SSBP3: variants seen among roughly 807,000 people sequenced by gnomAD.
SSBP3 encodes the protein single-stranded DNA-binding protein 3.
In SSBP3, 5 loss-of-function variants were observed where a neutral mutation model predicts 69.6. That is an observed-to-expected ratio of 0.07 (90% CI 0.04 to 0.15). The LOEUF (loss-of-function observed/expected upper bound fraction) is 0.15. SSBP3 is among the 10% of genes least tolerant of loss of function. The pLI is 1.00. For synonymous variants in SSBP3, 196 were observed against 193.4 expected (o/e 1.01, Z -0.11); for missense variants, 312 against 534.0 (o/e 0.58, Z 4.10).
intron 4 of SSBP3, among the ~76,000 whole-genome samples, chr1:54,326,742 C>G (rs1646312141): frequency 6.6e-6 from 1 of 152,158 alleles, no homozygotes; most frequent in Admixed American, 6.5e-5. Flanking sequence ...GTTTAAAATT[C>G]AAAGCTCTTC....
At chr1:54,385,565 T>A (rs1648021593) in intron 4 of SSBP3, among the ~76,000 whole-genome samples, 1 of 152,166 alleles carries the variant, frequency 6.6e-6, no homozygotes, top group Non-Finnish European at 1.5e-5. Flanking sequence ...GAATTCCAAA[T>A]TCAGAACATA....
intron 4 of SSBP3, among the ~76,000 whole-genome samples, chr1:54,305,073 A>G (rs553829514): frequency 1.3e-5 from 2 of 152,210 alleles, no homozygotes; most frequent in Non-Finnish European, 2.9e-5. Context: ...AGCAGAGACC[A>G]TGTATGCCTG....
intron 5 of SSBP3, among the ~76,000 whole-genome samples, chr1:54,276,735 G>A (rs1271486600): frequency 1.3e-5 from 2 of 151,748 alleles, no homozygotes; most frequent in Non-Finnish European, 2.9e-5. Context: ...CACAGATCTG[G>A]CCAAGACATT....
At chr1:54,287,854 A>G (rs769785417) in intron 4 of SSBP3, among the ~76,000 whole-genome samples, 72 of 152,164 alleles carry the variant, frequency 4.7e-4, no homozygotes, top group Non-Finnish European at 6.6e-4. Flanking sequence ...TCAGTTTTGG[A>G]GAACAGGGGC....
At chr1:54,287,791 G>C (rs562433107) in intron 4 of SSBP3, among the ~76,000 whole-genome samples, 35 of 152,270 alleles carry the variant, frequency 2.3e-4, no homozygotes, top group African/African-American at 7.7e-4. Flanking sequence ...TTCAAAGAAG[G>C]GAAGGGGACA....
chr1:54,389,698 A>C (rs1648345908), intron 4 of SSBP3, among the ~76,000 whole-genome samples: 1 of 151,916 alleles, frequency 6.6e-6, no homozygotes, highest in African/African-American at 2.4e-5. Flanking sequence ...CTCTACCAAA[A>C]AAAAATAAAA....
chr1:54,352,853 G>A (rs1344278861), intron 4 of SSBP3, among the ~76,000 whole-genome samples: 1 of 152,144 alleles, frequency 6.6e-6, no homozygotes, highest in Non-Finnish European at 1.5e-5. Context: ...GATGACTAAT[G>A]ACAGAGGAAC....
chr1:54,285,360 T>C (rs1441796266), intron 4 of SSBP3: 1 of 152,138 alleles, frequency 6.6e-6, no homozygotes, highest in Non-Finnish European at 1.5e-5. Flanking sequence ...CTATGAACAT[T>C]ACGCTGAATC....
At chr1:54,332,333 G>A (rs1646431493) in intron 4 of SSBP3, among the ~76,000 whole-genome samples, 2 of 152,216 alleles carry the variant, frequency 1.3e-5, no homozygotes, top group African/African-American at 4.8e-5. Context: ...TAAGTGAGAT[G>A]CAAGGAAACT....
At chr1:54,386,820 G>A (rs138720445) in intron 4 of SSBP3, among the ~76,000 whole-genome samples, 1 of 150,104 alleles carries the variant, frequency 6.7e-6, no homozygotes, top group Non-Finnish European at 1.5e-5. Context: ...GACTATAGGC[G>A]CACACCACCT....
At position 54,279,150 on chromosome 1, in the gene SSBP3, A is replaced by C. The variant is rs114000090; in HGVS notation, c.366+2288T>G. 1.6e-3 allele frequency among the ~76,000 whole-genome samples: 241 copies of C among 152,298 alleles called. 2 individuals are homozygous for C. The highest frequency in any genetic ancestry group is 5.5e-3 in the African/African-American group (228 of 41,572). On this transcript the variant is annotated intron_variant, in intron 5 of 17. Coordinates refer to ENST00000610401, the Ensembl canonical transcript of SSBP3. ...CGTCACCCAGGAAGCAGAGAGGCCA[A>C]GACATTGCTCTCTGCTGTCTACTGG... is the stretch of plus-strand genomic sequence containing the variant.
At chr1:54,246,673 C>T (rs1252305364) in intron 9 of SSBP3, among the ~76,000 whole-genome samples, 1 of 152,208 alleles carries the variant, frequency 6.6e-6, no homozygotes, top group Non-Finnish European at 1.5e-5. Context: ...GAGGGAGCTT[C>T]TCCACCAGTC....
intron 5 of SSBP3, among the ~76,000 whole-genome samples, chr1:54,273,741 G>C (rs1370993283): frequency 6.6e-6 from 1 of 152,214 alleles, no homozygotes; most frequent in African/African-American, 2.4e-5. Flanking sequence ...GGCTCCCCGA[G>C]GACACACAGG....
chr1:54,236,392 A>T (rs1318996958), intron 14 of SSBP3: 7 of 152,196 alleles, frequency 4.6e-5, no homozygotes, highest in Non-Finnish European at 1.0e-4. Flanking sequence ...AAGTGCTGGG[A>T]TTACAGGTGT....
At chr1:54,360,918 T>TA (rs60254245) in intron 4 of SSBP3, among the ~76,000 whole-genome samples, 19,835 of 137,430 alleles carry the variant, frequency 0.14, 1,582 homozygotes, top group Admixed American at 0.27. Context: ...TGTCTCTACT[T>TA]AAAAAAAAAA....
In SSBP3 at chr1:54,258,639, G is replaced by A. The variant is rs118082101; in HGVS notation, c.367-490C>T. On this transcript the variant is annotated intron_variant, in intron 5 of 17. Coordinates refer to ENST00000610401, the Ensembl canonical transcript of SSBP3. This position sits in a 1 kb window ranked among gnomAD's most constrained non-coding sequence, Gnocchi z 4.5. ...ACAGTGACACGGCTATGGGTGACTC[G>A]AGGCAGTACTGATCAAGTGTCAGGG... 6.6e-6 allele frequency among the ~76,000 whole-genome samples: 1 copy of A among 152,254 alleles called. No homozygotes were observed. The highest frequency in any genetic ancestry group is 1.9e-4 in the East Asian group (1 of 5,156).
At chr1:54,336,280 A>G (rs535913773) in intron 4 of SSBP3, among the ~76,000 whole-genome samples, 6 of 152,188 alleles carry the variant, frequency 3.9e-5, no homozygotes, top group Non-Finnish European at 7.3e-5. Flanking sequence ...ATGGGATTAA[A>G]TGGATGCTGA....
At chr1:54,380,854 C>G (rs1352752480) in intron 4 of SSBP3, among the ~76,000 whole-genome samples, 1 of 152,038 alleles carries the variant, frequency 6.6e-6, no homozygotes, top group Admixed American at 6.6e-5. Context: ...GGCATGATGG[C>G]TCACACCTGT....
intron 4 of SSBP3, among the ~76,000 whole-genome samples, chr1:54,380,324 G>C (rs61776543): frequency 0.025 from 3,734 of 152,126 alleles, 71 homozygotes; most frequent in Non-Finnish European, 0.039. Flanking sequence ...CCAAATGCTT[G>C]AGTCTTGATT....
Sources: gnomAD v4.1 joint callset for allele counts (sites outside exome capture counted in the v4.1 genomes callset) on GRCh38, gnomAD v4.1.1 for gene constraint, Gnocchi (gnomAD v3.1) non-coding constraint, MANE v1.5 for transcripts, NCBI Gene and HGNC (gene_info 2026-07-23, HGNC 2026-07-21) for gene names.